Variants in SAMM50 observed in about 807,000 individuals in gnomAD.
SAMM50 encodes the protein sorting and assembly machinery component 50 homolog.
SAMM50 carries 47 observed loss-of-function variants against 66.9 expected under a neutral mutation model. That is an observed-to-expected ratio of 0.70 (90% CI 0.56 to 0.90). SAMM50 has a LOEUF of 0.90. Among genes scored for constraint, SAMM50 ranks in the 40% least tolerant of loss-of-function variants. SAMM50 has a pLI of 0.00. For synonymous variants in SAMM50, 191 were observed against 214.1 expected (o/e 0.89, Z 0.94); for missense variants, 535 against 595.3 (o/e 0.90, Z 1.05).
At chr22:43,985,210 T>G (rs1254874345) in intron 12 of SAMM50, among the ~76,000 whole-genome samples, 1 of 152,018 alleles carries the variant, frequency 6.6e-6, no homozygotes, top group Non-Finnish European at 1.5e-5. Flanking sequence ...TATGATAACC[T>G]TATTAACTCA....
chr22:43,978,259 C>T (rs957164107), intron 10 of SAMM50, among the ~76,000 whole-genome samples: 1 of 151,464 alleles, frequency 6.6e-6, no homozygotes, highest in African/African-American at 2.4e-5. Flanking sequence ...CTGGCTAACA[C>T]GGTGAAACCC....
chr22:43,964,130 C>A (rs2073083), intron 2 of SAMM50, among the ~76,000 whole-genome samples: 27,287 of 151,928 alleles, frequency 0.18, 2,806 homozygotes, highest in East Asian at 0.33. Flanking sequence ...ATTCACAGGC[C>A]AGTGCTCAGC....
At chr22:43,961,354 G>C (rs2050146289) in intron 1 of SAMM50, among the ~76,000 whole-genome samples, 1 of 152,172 alleles carries the variant, frequency 6.6e-6, no homozygotes, top group African/African-American at 2.4e-5. Context: ...ATGTGTCCCA[G>C]AGACTTATGG....
chr22:43,996,493 G>T lies in SAMM50; in HGVS notation c.*110G>T. On this transcript the variant is annotated 3_prime_UTR_variant, in exon 15 of 15. Transcript: ENST00000350028. ...CAGCGATTCTTTGACTGCGGACCCT[G>T]TGGGAAACCCCGTCAATAAATGTTA... The T allele has an allele frequency of 9.9e-7, 1 of 1,013,566 alleles. No individual in the cohort carries two copies. Among genetic ancestry groups the T allele is most frequent in the Non-Finnish European group, 1.6e-6 (1 of 636,432 alleles). The allele number at this position is 1,013,566 out of a possible 1,614,324, so 62.8% of individuals were successfully genotyped here.
In SAMM50 at chr22:43,987,913, T is replaced by TATACAC. The variant is rs745965697; in HGVS notation, c.1076-1197_1076-1196insTACACA. 9.6e-3 allele frequency: 1,447 copies of TATACAC among 151,392 alleles called. 26 individuals are homozygous for TATACAC. The highest frequency in any genetic ancestry group is 0.034 in the African/African-American group (1,387 of 41,178). The allele number at this position is 151,392 out of a possible 1,614,324, so 9.4% of individuals were successfully genotyped here. A position where few individuals can be genotyped will look rare whatever the true frequency, so the allele number is the denominator to read the frequency against. On this transcript the variant is annotated intron_variant, in intron 12 of 14. Coordinates refer to ENST00000350028, the MANE Select transcript of SAMM50 (RefSeq NM_015380.5). ...TGGAAACTGTGTATATATATATATATACACACACAGAGAGAGAGAGAGCAA... is the reference window on the plus strand; with the variant it reads ...TGGAAACTGTGTATATATATATATATATACACACACACACAGAGAGAGAGAGAGCAA...
intron 11 of SAMM50, among the ~76,000 whole-genome samples, chr22:43,982,761 A>G (rs778531504): frequency 1.4e-4 from 22 of 152,190 alleles, no homozygotes; most frequent in Non-Finnish European, 2.9e-4. Context: ...CCAGCCTCCC[A>G]AGTAGCTGGG....
rs2050113702 is a variant in SAMM50, at chr22:43,955,479, A to G, written c.-99A>G. Reference sequence around the variant, plus strand: ...CCGGGGGTTTGTGGGAGTTGCCTTGACCTGCAGCTCCGCCACCGCGGACCC... The same window carrying G: ...CCGGGGGTTTGTGGGAGTTGCCTTGGCCTGCAGCTCCGCCACCGCGGACCC... On this transcript the variant is annotated 5_prime_UTR_variant, in exon 1 of 15. Transcript: ENST00000350028. The G allele has an allele frequency of 3.6e-6, 5 of 1,401,406 alleles. No individual in the cohort carries two copies. Among genetic ancestry groups the G allele is most frequent in the African/African-American group, 1.4e-5 (1 of 70,314 alleles). 86.8% of individuals were successfully genotyped at this position (1,401,406 alleles called of 1,614,324 possible).
At chr22:43,980,130 A>G (rs867972206) in intron 10 of SAMM50, among the ~76,000 whole-genome samples, 5 of 106,310 alleles carry the variant, frequency 4.7e-5, no homozygotes, top group African/African-American at 1.7e-4. Flanking sequence ...CCACCTACCC[A>G]CCCACACATC....
intron 3 of SAMM50, among the ~76,000 whole-genome samples, chr22:43,967,580 C>G (rs757521126): frequency 4.3e-4 from 66 of 152,230 alleles, no homozygotes; most frequent in Admixed American, 8.5e-4. Flanking sequence ...TGCCTTCACC[C>G]TAGCCCCTGA....
chr22:43,965,671 A>C (rs2050169401), intron 3 of SAMM50, among the ~76,000 whole-genome samples: 1 of 152,080 alleles, frequency 6.6e-6, no homozygotes, highest in Non-Finnish European at 1.5e-5. Context: ...AGTTTCCTAG[A>C]TATGTTGTAC....
chr22:43,963,181 C>G (rs2050156025), intron 1 of SAMM50, 105 bp from the exon 2 acceptor site: 3 of 673,202 alleles, frequency 4.5e-6, no homozygotes, highest in Admixed American at 5.4e-5. Flanking sequence ...TTGAAGGGAA[C>G]AACTACTGAA....
At chr22:43,973,854 C>G (rs1488623272) in intron 7 of SAMM50, among the ~76,000 whole-genome samples, 1 of 152,150 alleles carries the variant, frequency 6.6e-6, no homozygotes, top group Non-Finnish European at 1.5e-5. Flanking sequence ...CTCAAGTGAT[C>G]TGCCCGTCTC....
chr22:43,964,596 G>C (rs776372298), intron 3 of SAMM50, 43 bp downstream of exon 3: 11 of 1,084,270 alleles, frequency 1.0e-5, no homozygotes, highest in Non-Finnish European at 1.4e-5. Context: ...AGTCTCTTCT[G>C]AAGAACTCGT....
chr22:43,988,228 C>T (rs569237762), intron 12 of SAMM50: 15 of 152,282 alleles, frequency 9.9e-5, no homozygotes, highest in Admixed American at 3.3e-4. Flanking sequence ...TCAGAGCTCT[C>T]GTGTTGAAAG....
intron 3 of SAMM50, among the ~76,000 whole-genome samples, chr22:43,964,868 A>C (rs773231862): frequency 2.0e-5 from 3 of 152,146 alleles, no homozygotes; most frequent in Admixed American, 6.5e-5. Context: ...AGCCGTTCCC[A>C]GGCACCGCGC....
intron 14 of SAMM50, among the ~76,000 whole-genome samples, chr22:43,990,812 G>A (rs921264000): frequency 1.3e-5 from 2 of 152,116 alleles, no homozygotes; most frequent in African/African-American, 4.8e-5. Flanking sequence ...CAGAGGACAC[G>A]ATCTTGAGAA....
At position 43,963,341 on chromosome 22, in the gene SAMM50, C is replaced by A; in HGVS notation, c.77C>A (p.Ala26Asp). 6.2e-7 allele frequency: 1 copy of A among 1,613,328 alleles called. No individual in the cohort carries two copies. Among genetic ancestry groups the A allele is most frequent in the East Asian group, 2.2e-5 (1 of 44,844 alleles). Reference sequence around the variant, plus strand: ...GATTTTGGAGGATTAGGAGAAGAAGCTGAATTTGTTGAAGTTGAGCCTGAA... The same window carrying A: ...GATTTTGGAGGATTAGGAGAAGAAGATGAATTTGTTGAAGTTGAGCCTGAA... The part of the protein sequence containing the change: ...GPDFGGLGEE[A>D]EFVEVEPEAK... Residue 26 changes from alanine to aspartate, a missense_variant, in exon 2 of 15, where the codon GCT becomes GAT. Coordinates refer to ENST00000350028, the MANE Select transcript of SAMM50 (RefSeq NM_015380.5).
chr22:43,962,020 G>A (rs2896021), intron 1 of SAMM50, among the ~76,000 whole-genome samples: 96,901 of 151,872 alleles, frequency 0.64, 31,188 homozygotes, highest in East Asian at 0.83. Flanking sequence ...GTGTGTATGT[G>A]ATATTATGTT....
chr22:43,987,770 G>C (rs530685279), intron 12 of SAMM50: 96 of 152,232 alleles, frequency 6.3e-4, no homozygotes, highest in African/African-American at 2.2e-3. Context: ...AAGAGAAATA[G>C]ATCATTAAAT....
Sources: allele counts gnomAD v4.1 joint callset (sites outside exome capture counted in the v4.1 genomes callset), GRCh38; gene constraint gnomAD v4.1.1; transcripts MANE v1.5; gene names NCBI Gene and HGNC (gene_info 2026-07-23, HGNC 2026-07-21).